POLR1B: variants seen among roughly 807,000 people sequenced by gnomAD.
The protein encoded by POLR1B is DNA-directed RNA polymerase I subunit RPA2.
POLR1B carries 30 observed loss-of-function variants against 105.8 expected under a neutral mutation model. That is an observed-to-expected ratio of 0.28 (90% CI 0.21 to 0.38). The LOEUF (loss-of-function observed/expected upper bound fraction) is 0.38. Ranked by LOEUF, POLR1B falls within the 10% of genes least tolerant of loss-of-function variation. The pLI is 1.00. For missense variants in POLR1B, 976 were observed against 1,435.8 expected (o/e 0.68, Z 5.17); for synonymous variants, 485 against 505.1 (o/e 0.96, Z 0.53).
At chr2:112,569,784 T>G (rs1684494988) in intron 12 of POLR1B, among the ~76,000 whole-genome samples, 1 of 152,086 alleles carries the variant, frequency 6.6e-6, no homozygotes, top group Admixed American at 6.5e-5. Context: ...GGTCTCGAAC[T>G]CCTGACCTCA....
intron 12 of POLR1B, 68 bp downstream of exon 12, chr2:112,568,970 T>C: frequency 6.9e-7 from 1 of 1,459,784 alleles, no homozygotes. Context: ...CACTCTTTTA[T>C]TGTCCTTATT....
intron 13 of POLR1B, 105 bp downstream of exon 13, chr2:112,572,863 T>C: frequency 6.3e-6 from 6 of 957,404 alleles, no homozygotes; most frequent in Non-Finnish European, 9.1e-6. Flanking sequence ...GTACCTAGTA[T>C]TTGGCACGTG....
intron 14 of POLR1B, among the ~76,000 whole-genome samples, 192 bp downstream of exon 14, chr2:112,574,007 A>G (rs1190801647): frequency 9.9e-5 from 15 of 151,960 alleles, no homozygotes; most frequent in Non-Finnish European, 1.5e-5. Context: ...CACCATGCCC[A>G]GCTAATTTTT....
rs560075328 is a variant in POLR1B, at chr2:112,552,720, T to C, written c.1062T>C (p.Phe354=). The change falls in exon 7 of 15, where the codon TTT becomes TTC. Residue 354 remains phenylalanine, a synonymous_variant. Coordinates refer to ENST00000263331, the MANE Select transcript of POLR1B (RefSeq NM_019014.6). ...TTTGTCTCATGACGCGAAAGCTCTT[T>C]GCTTTAGCCAAAGGAGAGTGCATGG... is the stretch of plus-strand genomic sequence containing the variant. ...YMLCLMTRKL[F]ALAKGECMED... is the part of the protein sequence containing the mutation. 1.9e-6 allele frequency: 3 copies of C among 1,613,130 alleles called. No individual in the cohort carries two copies. Among genetic ancestry groups the C allele is most frequent in the Admixed American group, 1.7e-5 (1 of 59,838 alleles).
intron 7 of POLR1B, among the ~76,000 whole-genome samples, chr2:112,555,476 C>T (rs367986705): frequency 3.9e-4 from 59 of 152,220 alleles, no homozygotes; most frequent in African/African-American, 1.3e-3. Flanking sequence ...GACAAAACTT[C>T]GTCTCTACAA....
At chr2:112,558,834 G>T (rs1291123504) in intron 8 of POLR1B, among the ~76,000 whole-genome samples, 1 of 151,582 alleles carries the variant, frequency 6.6e-6, no homozygotes, top group African/African-American at 2.4e-5. Context: ...GCTGAGGCTG[G>T]TCTGGAACTC....
At chr2:112,567,821 G>A in intron 10 of POLR1B, 146 bp from the exon 11 acceptor site, 1 of 623,110 alleles carries the variant, frequency 1.6e-6, no homozygotes, top group Non-Finnish European at 2.8e-6. Flanking sequence ...TTAGTGATTT[G>A]CCTACTAGCT....
chr2:112,575,617 C>G lies in POLR1B; in HGVS notation c.3296C>G (p.Thr1099Ser). The stretch of plus-strand genomic sequence containing the variant: ...ATGCGCAACAGAAAATACAACTGTA[C>G]TCTGTGTAGTCGCAGTGACACTATC... ...SAMRNRKYNC[T>S]LCSRSDTIDT... The change falls in exon 15 of 15, where the codon ACT becomes AGT. Residue 1099 changes from threonine to serine, a missense_variant. Physicochemically the swap from Thr to Ser is moderately conservative, Grantham distance 58 (BLOSUM62 1). Transcript: ENST00000263331. This position sits in a 1 kb window ranked among gnomAD's most constrained non-coding sequence, Gnocchi z 5.3. 2 of 1,614,140 alleles carry G rather than the reference C, an allele frequency of 1.2e-6. No homozygotes were observed.
chr2:112,574,056 G>A (rs543638561), intron 14 of POLR1B, among the ~76,000 whole-genome samples: 6 of 152,102 alleles, frequency 3.9e-5, no homozygotes, highest in Admixed American at 1.3e-4. Context: ...TGTTGCCCAG[G>A]TAGGTCTCGA....
intron 7 of POLR1B, among the ~76,000 whole-genome samples, chr2:112,555,568 C>T (rs1372344997): frequency 6.6e-6 from 1 of 152,162 alleles, no homozygotes; most frequent in Non-Finnish European, 1.5e-5. Flanking sequence ...AAGAGGATTG[C>T]CTGAGCCCAG....
chr2:112,547,657 C>A, intron 3 of POLR1B, 90 bp downstream of exon 3: 1 of 1,415,540 alleles, frequency 7.1e-7, no homozygotes, highest in Non-Finnish European at 9.7e-7. Context: ...TCTTTCTGTG[C>A]TCCAATTTCT....
chr2:112,555,122 A>G (rs1248215828), intron 7 of POLR1B, among the ~76,000 whole-genome samples: 3 of 152,288 alleles, frequency 2.0e-5, no homozygotes, highest in East Asian at 3.9e-4. Context: ...CGGAGGTTAC[A>G]GTGAGTTGAG....
intron 12 of POLR1B, among the ~76,000 whole-genome samples, chr2:112,569,636 T>C (rs1490547160): frequency 6.6e-6 from 1 of 151,386 alleles, no homozygotes; most frequent in African/African-American, 2.4e-5. Flanking sequence ...CTCGGCTTAC[T>C]GCAACCTCTG....
In POLR1B at chr2:112,572,771, A is replaced by G. The variant is rs2104577127; in HGVS notation, c.2271+13A>G. 1 of 1,554,454 alleles carries G rather than the reference A, an allele frequency of 6.4e-7. No individual in the cohort carries two copies. Among genetic ancestry groups the G allele is most frequent in the Non-Finnish European group, 8.7e-7 (1 of 1,146,162 alleles). On this transcript the variant is annotated intron_variant, in intron 13 of 14. Transcript: ENST00000263331. ...GGAAGATGCCATGGTAAGTTTTACC[A>G]GGAAATGTTGTTCCAATCTTTTTAT...
intron 10 of POLR1B, among the ~76,000 whole-genome samples, chr2:112,564,951 G>C (rs1432331185): frequency 6.6e-6 from 1 of 152,220 alleles, no homozygotes; most frequent in Non-Finnish European, 1.5e-5. Flanking sequence ...TCCTAGTGAA[G>C]AGTATTTGTT....
rs567285252 is a variant in POLR1B, at chr2:112,572,883, T to G, written c.2271+125T>G. On this transcript the variant is annotated intron_variant, in intron 13 of 14. Transcript: ENST00000263331. ...TAGTATTTGGCACGTGATGTTCTATTAAATGATTAGTTCTTAGTCTAAGTT... is the reference window on the plus strand; with the variant it reads ...TAGTATTTGGCACGTGATGTTCTATGAAATGATTAGTTCTTAGTCTAAGTT... The G allele has an allele frequency of 1.9e-5, 15 of 776,052 alleles. No individual in the cohort carries two copies. The East Asian group carries it at 3.9e-4, about 20-fold the overall frequency. The allele number at this position is 776,052 out of a possible 1,614,324, so 48.1% of individuals were successfully genotyped here. A position where few individuals can be genotyped will look rare whatever the true frequency, so the allele number is the denominator to read the frequency against.
At chr2:112,546,767 G>C (rs1329502326) in intron 1 of POLR1B, among the ~76,000 whole-genome samples, 1 of 151,710 alleles carries the variant, frequency 6.6e-6, no homozygotes, top group South Asian at 2.1e-4. Context: ...GTTTCACCGT[G>C]TTAGCCAGGA....
rs548540967 is a variant in POLR1B, at chr2:112,547,250, G to A, written c.345+71G>A. On this transcript the variant is annotated intron_variant, in intron 2 of 14. Transcript: ENST00000263331. ...GGGAGTAGGGCGGGTGCCTAATAAAGTTTATGCCAGAAATTGCTTTCTTGG... is the reference window on the plus strand; with the variant it reads ...GGGAGTAGGGCGGGTGCCTAATAAAATTTATGCCAGAAATTGCTTTCTTGG... The A allele has an allele frequency of 2.6e-6, 4 of 1,559,972 alleles. No individual in the cohort carries two copies. The South Asian group carries it at 3.6e-5, about 14-fold the overall frequency.
At position 112,575,309 on chromosome 2, in the gene POLR1B, G is replaced by A. The variant is rs1684812495; in HGVS notation, c.2988G>A (p.Val996=). The A allele has an allele frequency of 6.2e-7, 1 of 1,613,942 alleles. No homozygotes were observed. Among genetic ancestry groups the A allele is most frequent in the African/African-American group, 1.3e-5 (1 of 74,882 alleles). ...TGGAAGCAGACATCTTCATAGGAGT[G>A]GTTTATTATCAGCGCTTACGCCATA... The part of the protein sequence containing the change: ...LELEADIFIG[V]VYYQRLRHMV... The change falls in exon 15 of 15, where the codon GTG becomes GTA. Residue 996 remains valine, a synonymous_variant. Coordinates refer to ENST00000263331, the MANE Select transcript of POLR1B (RefSeq NM_019014.6). The surrounding 1 kb of genome is among the most constrained non-coding windows in gnomAD (Gnocchi z 5.3).
Sources: gnomAD v4.1 joint callset for allele counts (sites outside exome capture counted in the v4.1 genomes callset) on GRCh38, gnomAD v4.1.1 for gene constraint, Gnocchi (gnomAD v3.1) non-coding constraint, MANE v1.5 for transcripts, NCBI Gene and HGNC (gene_info 2026-07-23, HGNC 2026-07-21) for gene names.